TCF19: variants seen among roughly 807,000 people sequenced by gnomAD.
TCF19 encodes the protein transcription factor SC1.
In TCF19, 9 loss-of-function variants were observed where a neutral mutation model predicts 18.3. The ratio of observed to expected loss-of-function variants is 0.49; its 90% CI spans 0.30 to 0.86. The LOEUF (loss-of-function observed/expected upper bound fraction) is 0.86, where lower values mean the gene tolerates loss of function less well. Ranked by LOEUF, TCF19 falls within the 40% of genes least tolerant of loss-of-function variation. The pLI is 0.07. For missense variants in TCF19, 376 were observed against 464.3 expected (o/e 0.81, Z 1.75); for synonymous variants, 176 against 185.3 (o/e 0.95, Z 0.41).
intron 2 of TCF19, among the ~76,000 whole-genome samples, chr6:31,160,870 C>T (rs1776716482): frequency 7.1e-6 from 1 of 141,328 alleles, no homozygotes; most frequent in Non-Finnish European, 1.6e-5. Context: ...GAAAACTGGA[C>T]CTTAGGGCGG....
chr6:31,160,460 A>AT (rs931492051), intron 2 of TCF19, among the ~76,000 whole-genome samples: 1 of 151,970 alleles, frequency 6.6e-6, no homozygotes. Context: ...AAATTAATTA[A>AT]TTTTTTTAAA....
intron 2 of TCF19, among the ~76,000 whole-genome samples, chr6:31,160,522 G>A (rs1179145624): frequency 3.3e-5 from 5 of 152,032 alleles, no homozygotes; most frequent in African/African-American, 7.3e-5. Flanking sequence ...TTGGGAGGCC[G>A]AGATGGGCAG....
chr6:31,159,137 T>A lies in TCF19; in HGVS notation c.-333T>A. 2.7e-6 allele frequency: 1 copy of A among 368,140 alleles called. No individual in the cohort carries two copies. The highest frequency in any genetic ancestry group is 4.9e-6 in the Non-Finnish European group (1 of 203,194). 22.8% of individuals were successfully genotyped at this position (368,140 alleles called of 1,614,324 possible). ...AGGAGCTGCCTAAAGTATCCTTGCC[T>A]TGCAGATTGGAGGCTCCCCAAATAT... On this transcript the variant is annotated 5_prime_UTR_variant, in exon 2 of 4. In the 5' UTR this introduces an upstream ATG that the reference lacks. Coordinates refer to ENST00000376257, the MANE Select transcript of TCF19 (RefSeq NM_007109.3).
chr6:31,162,550 C>A lies in TCF19; in HGVS notation c.871C>A (p.Pro291Thr). 2 of 1,612,868 alleles carry A rather than the reference C, an allele frequency of 1.2e-6. No homozygotes were observed. The highest frequency in any genetic ancestry group is 1.7e-6 in the Non-Finnish European group (2 of 1,180,004). The change falls in exon 4 of 4, where the codon CCC (proline) becomes ACC (threonine). Residue 291 changes from proline (P) to threonine (T), a missense_variant. Coordinates refer to ENST00000376257, the MANE Select transcript of TCF19 (RefSeq NM_007109.3). The surrounding 1 kb of genome is among the most constrained non-coding windows in gnomAD (Gnocchi z 4.5). ...TCCCCCTGCAGTTGGGGGCGGGGAG[C>A]CCTGTGCAGCTCCTTGTTGCTGCCT... ...MAPPAVGGGE[P>T]CAAPCCCLPQ...
Position 31,162,123 on chromosome 6 carries a change from G to A in TCF19, c.797+118G>A. 2 of 1,153,930 alleles carry A rather than the reference G, an allele frequency of 1.7e-6. No homozygotes were observed. Among genetic ancestry groups the A allele is most frequent in the Non-Finnish European group, 2.4e-6 (2 of 837,890 alleles). 71.5% of individuals were successfully genotyped at this position (1,153,930 alleles called of 1,614,324 possible). A position where few individuals can be genotyped will look rare whatever the true frequency, so the allele number is the denominator to read the frequency against. On this transcript the variant is annotated intron_variant, in intron 3 of 3. Coordinates refer to ENST00000376257, the MANE Select transcript of TCF19 (RefSeq NM_007109.3). The surrounding 1 kb of genome is among the most constrained non-coding windows in gnomAD (Gnocchi z 4.5). Reference sequence around the variant, plus strand: ...GATGGGCACGGGAGGTGGAATAGATGGAATGGCAAGACCTGGGTTAGCTCT... The same window carrying A: ...GATGGGCACGGGAGGTGGAATAGATAGAATGGCAAGACCTGGGTTAGCTCT...
At chr6:31,161,187 G>GAAGA (rs143133807) in intron 2 of TCF19, among the ~76,000 whole-genome samples, 11,870 of 147,524 alleles carry the variant, frequency 0.08, 606 homozygotes, top group Middle Eastern at 0.15. Context: ...GAAAAAAAAA[G>GAAGA]AAGAAAGAAA....
Position 31,163,506 on chromosome 6 carries a change from A to C in TCF19, c.*789A>C. ...TTGGTTAAGTTCACAAAGATAGCAG[A>C]AGATTTATTTACAGGCTTCACCTGT... is the stretch of plus-strand genomic sequence containing the variant. On this transcript the variant is annotated 3_prime_UTR_variant, in exon 4 of 4. Transcript: ENST00000376257. 1 of 985,440 alleles carries C rather than the reference A, an allele frequency of 1.0e-6. No homozygotes were observed. The highest frequency in any genetic ancestry group is 1.2e-6 in the Non-Finnish European group (1 of 829,914). 61.0% of individuals were successfully genotyped at this position (985,440 alleles called of 1,614,324 possible). A position where few individuals can be genotyped will look rare whatever the true frequency, so the allele number is the denominator to read the frequency against.
In TCF19 at chr6:31,164,101, G is replaced by C; in HGVS notation, c.*1384G>C. ...GGTGGGAAAGCAAAAAGCCAGCTCT[G>C]AACAGGTAACAGCTACATGGTGACT... On this transcript the variant is annotated 3_prime_UTR_variant, in exon 4 of 4. Coordinates refer to ENST00000376257, the MANE Select transcript of TCF19 (RefSeq NM_007109.3). 3.9e-6 allele frequency: 4 copies of C among 1,036,840 alleles called. No homozygotes were observed. The highest frequency in any genetic ancestry group is 4.7e-6 in the Non-Finnish European group (4 of 859,950). The allele number at this position is 1,036,840 out of a possible 1,614,324, so 64.2% of individuals were successfully genotyped here.
intron 2 of TCF19, 23 bp from the exon 3 acceptor site, chr6:31,161,424 G>T: frequency 1.5e-6 from 2 of 1,376,454 alleles, no homozygotes; most frequent in Non-Finnish European, 9.5e-7. Flanking sequence ...CTCCATATTT[G>T]CCTGGTGCCC....
In TCF19 at chr6:31,159,220, C is replaced by T; in HGVS notation, c.-250C>T. The stretch of plus-strand genomic sequence containing the variant: ...GCCATAGGACGTGTTCCTGAGTTTG[C>T]ATTGCACGGAGACCTTCCTGGAATT... On this transcript the variant is annotated 5_prime_UTR_variant, in exon 2 of 4. Transcript: ENST00000376257. 2 of 497,770 alleles carry T rather than the reference C, an allele frequency of 4.0e-6. No homozygotes were observed. Among genetic ancestry groups the T allele is most frequent in the African/African-American group, 1.9e-5 (1 of 51,550 alleles). The allele number at this position is 497,770 out of a possible 1,614,324, so 30.8% of individuals were successfully genotyped here.
chr6:31,161,439 A>G lies in TCF19; in HGVS notation c.239-8A>G. Reference sequence around the variant, plus strand: ...CTCCATATTTGCCTGGTGCCCCACCATCAACAGGTACTTTGGTCAATAATG... The same window carrying G: ...CTCCATATTTGCCTGGTGCCCCACCGTCAACAGGTACTTTGGTCAATAATG... On this transcript the variant is annotated splice_region_variant and splice_polypyrimidine_tract_variant and intron_variant, in intron 2 of 3. Coordinates refer to ENST00000376257, the MANE Select transcript of TCF19 (RefSeq NM_007109.3). The G allele has an allele frequency of 7.3e-7, 1 of 1,373,934 alleles. No individual in the cohort carries two copies. The highest frequency in any genetic ancestry group is 2.1e-5 in the South Asian group (1 of 47,080). 85.1% of individuals were successfully genotyped at this position (1,373,934 alleles called of 1,614,324 possible). A position where few individuals can be genotyped will look rare whatever the true frequency, so the allele number is the denominator to read the frequency against.
rs187350156 is a variant in TCF19, at chr6:31,163,735, C to T, written c.*1018C>T. The T allele has an allele frequency of 4.1e-6, 4 of 985,462 alleles. No individual in the cohort carries two copies. The Admixed American group carries it at 2.5e-4, about 61-fold the overall frequency. The allele number at this position is 985,462 out of a possible 1,614,324, so 61.0% of individuals were successfully genotyped here. Reference sequence around the variant, plus strand: ...ACACCAAGCCAAACTATTGTCAAAGCATCATTTCTATAGAAATAAAGCCTT... The same window carrying T: ...ACACCAAGCCAAACTATTGTCAAAGTATCATTTCTATAGAAATAAAGCCTT... On this transcript the variant is annotated 3_prime_UTR_variant, in exon 4 of 4. Coordinates refer to ENST00000376257, the MANE Select transcript of TCF19 (RefSeq NM_007109.3).
rs1561847730 is a variant in TCF19, at chr6:31,162,748, CTGCCCA to C, written c.*34_*39del. The C allele has an allele frequency of 6.2e-7, 1 of 1,604,568 alleles. No individual in the cohort carries two copies. Among genetic ancestry groups the C allele is most frequent in the Non-Finnish European group, 8.5e-7 (1 of 1,178,628 alleles). Reference sequence around the variant, plus strand: ...ACTGCCAAGGCACCATCGGACACACCTGCCCATGAGTAGACACAGCAGCGAGCAAAT... The same window carrying C: ...ACTGCCAAGGCACCATCGGACACACCTGAGTAGACACAGCAGCGAGCAAAT... On this transcript the variant is annotated 3_prime_UTR_variant, in exon 4 of 4. Transcript: ENST00000376257. The surrounding 1 kb of genome is among the most constrained non-coding windows in gnomAD (Gnocchi z 4.5).
At position 31,163,040 on chromosome 6, in the gene TCF19, A is replaced by G; in HGVS notation, c.*323A>G. On this transcript the variant is annotated 3_prime_UTR_variant, in exon 4 of 4. Coordinates refer to ENST00000376257, the MANE Select transcript of TCF19 (RefSeq NM_007109.3). ...AGAGCACCTATCAGTTGCAAAAGCC[A>G]TGCCTGCAACCGATGGAAAATGTAA... is the stretch of plus-strand genomic sequence containing the variant. 8.3e-7 allele frequency: 1 copy of G among 1,199,010 alleles called. No homozygotes were observed. Among genetic ancestry groups the G allele is most frequent in the Non-Finnish European group, 1.0e-6 (1 of 964,082 alleles). 74.3% of individuals were successfully genotyped at this position (1,199,010 alleles called of 1,614,324 possible).
In TCF19 at chr6:31,163,292, G is replaced by C; in HGVS notation, c.*575G>C. The C allele has an allele frequency of 1.0e-6, 1 of 986,670 alleles. No individual in the cohort carries two copies. The highest frequency in any genetic ancestry group is 1.2e-6 in the Non-Finnish European group (1 of 830,784). 61.1% of individuals were successfully genotyped at this position (986,670 alleles called of 1,614,324 possible). On this transcript the variant is annotated 3_prime_UTR_variant, in exon 4 of 4. Coordinates refer to ENST00000376257, the MANE Select transcript of TCF19 (RefSeq NM_007109.3). ...TCTGTGATATTCCTTGCTTTCCAGGGAGAATGTGCTTGGCAAGGTCTGGAG... is the reference window on the plus strand; with the variant it reads ...TCTGTGATATTCCTTGCTTTCCAGGCAGAATGTGCTTGGCAAGGTCTGGAG...
At position 31,161,948 on chromosome 6, in the gene TCF19, T is replaced by A. The variant is rs1236727885; in HGVS notation, c.740T>A (p.Val247Asp). 1 of 1,612,744 alleles carries A rather than the reference T, an allele frequency of 6.2e-7. No individual in the cohort carries two copies. The highest frequency in any genetic ancestry group is 8.5e-7 in the Non-Finnish European group (1 of 1,179,946). Residue 247 changes from valine to aspartate, a missense_variant, in exon 3 of 4, where the codon GTC becomes GAC. Transcript: ENST00000376257. ...ESEPPENPPP[V>D]LMEPRKKLRV... ...GAGCCTCCTGAGAACCCGCCACCGG[T>A]CCTTATGGAGCCCAGGAAGAAACTC...
At chr6:31,161,338 G>A (rs1776762189) in intron 2 of TCF19, 109 bp from the exon 3 acceptor site, 3 of 940,542 alleles carry the variant, frequency 3.2e-6, no homozygotes, top group Non-Finnish European at 4.4e-6. Flanking sequence ...GGGAGAATCT[G>A]ACTACAGTTT....
At position 31,159,221 on chromosome 6, in the gene TCF19, A is replaced by G. The variant is rs1159264246; in HGVS notation, c.-249A>G. 1 of 500,366 alleles carries G rather than the reference A, an allele frequency of 2.0e-6. No homozygotes were observed. The highest frequency in any genetic ancestry group is 3.6e-6 in the Non-Finnish European group (1 of 281,506). 31.0% of individuals were successfully genotyped at this position (500,366 alleles called of 1,614,324 possible). A position where few individuals can be genotyped will look rare whatever the true frequency, so the allele number is the denominator to read the frequency against. The stretch of plus-strand genomic sequence containing the variant: ...CCATAGGACGTGTTCCTGAGTTTGC[A>G]TTGCACGGAGACCTTCCTGGAATTT... On this transcript the variant is annotated 5_prime_UTR_variant, in exon 2 of 4. Coordinates refer to ENST00000376257, the MANE Select transcript of TCF19 (RefSeq NM_007109.3).
At chr6:31,161,425 C>A in intron 2 of TCF19, 22 bp from the exon 3 acceptor site, 2 of 1,377,148 alleles carry the variant, frequency 1.5e-6, no homozygotes, top group Non-Finnish European at 1.9e-6. Flanking sequence ...TCCATATTTG[C>A]CTGGTGCCCC....
Sources: allele counts gnomAD v4.1 joint callset (sites outside exome capture counted in the v4.1 genomes callset), GRCh38; gene constraint gnomAD v4.1.1; non-coding constraint Gnocchi (gnomAD v3.1); transcripts MANE v1.5; gene names NCBI Gene and HGNC (gene_info 2026-07-23, HGNC 2026-07-21).